MAP2: variants seen among roughly 807,000 people sequenced by gnomAD.
The protein encoded by MAP2 is microtubule associated protein 2.
In MAP2, 14 loss-of-function variants were observed where a neutral mutation model predicts 137.6. That is an observed-to-expected ratio of 0.10 (90% CI 0.07 to 0.16). The LOEUF (loss-of-function observed/expected upper bound fraction) is 0.16. Ranked by LOEUF, MAP2 falls within the 10% of genes least tolerant of loss-of-function variation. The probability of loss-of-function intolerance (pLI) is 1.00; values close to 1 mark genes in which losing one functional copy is unlikely to be tolerated. For synonymous variants in MAP2, 786 were observed against 782.3 expected (o/e 1.00, Z -0.08); for missense variants, 2,088 against 2,191.5 (o/e 0.95, Z 0.94).
chr2:209,607,965 T>G (rs2085378590), intron 3 of MAP2, among the ~76,000 whole-genome samples: 1 of 152,258 alleles, frequency 6.6e-6, no homozygotes, highest in South Asian at 2.1e-4. Context: ...TTTCTTAGCA[T>G]TTTGCTAGAT....
intron 1 of MAP2, among the ~76,000 whole-genome samples, chr2:209,437,850 C>G (rs1696724767): frequency 6.6e-6 from 1 of 151,448 alleles, no homozygotes; most frequent in Non-Finnish European, 1.5e-5. Flanking sequence ...CTTATCAGGA[C>G]TTGTATTTGA....
chr2:209,577,155 T>A (rs879666299), intron 2 of MAP2, among the ~76,000 whole-genome samples: 25 of 151,864 alleles, frequency 1.6e-4, no homozygotes, highest in Non-Finnish European at 2.8e-4. Flanking sequence ...CACCTCATTA[T>A]CCAAAATCAC....
chr2:209,727,753 C>T (rs754575499), intron 14 of MAP2, among the ~76,000 whole-genome samples: 2 of 152,156 alleles, frequency 1.3e-5, no homozygotes, highest in Non-Finnish European at 2.9e-5. Context: ...ACAATTACTG[C>T]TCCTGATGGG....
chr2:209,440,665 G>A (rs796194177), intron 1 of MAP2, among the ~76,000 whole-genome samples: 2 of 151,330 alleles, frequency 1.3e-5, no homozygotes, highest in African/African-American at 4.8e-5. Flanking sequence ...AGTTTTTTTT[G>A]TTTGTTTTAA....
rs566601875 is a variant in MAP2, at chr2:209,563,462, A to G, written c.-171-16574A>G. Among the ~76,000 whole-genome samples, 27 of 150,166 alleles carry G rather than the reference A, an allele frequency of 1.8e-4. No individual in the cohort carries two copies. In the South Asian group the frequency reaches 2.5e-3, roughly 14 times the overall value. On this transcript the variant is annotated intron_variant, in intron 2 of 15. Coordinates refer to ENST00000682079, the MANE Select transcript of MAP2 (RefSeq NM_001375505.1). ...TTATAAAAGATTTTCATTGTTATCTATAGAGATCCACGAGAACAACCCTCC... is the reference window on the plus strand; with the variant it reads ...TTATAAAAGATTTTCATTGTTATCTGTAGAGATCCACGAGAACAACCCTCC...
At chr2:209,548,457 G>A (rs908856991) in intron 2 of MAP2, among the ~76,000 whole-genome samples, 2 of 152,178 alleles carry the variant, frequency 1.3e-5, no homozygotes, top group Admixed American at 6.6e-5. Flanking sequence ...AAATAGCAGA[G>A]CTTATGCTCT....
chr2:209,603,954 G>GGA (rs2083805872), intron 3 of MAP2, among the ~76,000 whole-genome samples: 1 of 152,084 alleles, frequency 6.6e-6, no homozygotes, highest in Non-Finnish European at 1.5e-5. Flanking sequence ...GCAATTGTGT[G>GGA]GAGGGACATT....
At chr2:209,523,204 C>A (rs1454642205) in intron 2 of MAP2, among the ~76,000 whole-genome samples, 1 of 152,134 alleles carries the variant, frequency 6.6e-6, no homozygotes, top group Non-Finnish European at 1.5e-5. Flanking sequence ...ACTCCCATAA[C>A]ACCCCGAATG....
intron 4 of MAP2, among the ~76,000 whole-genome samples, chr2:209,645,155 C>A (rs1353360265): frequency 6.6e-6 from 1 of 152,160 alleles, no homozygotes; most frequent in South Asian, 2.1e-4. Flanking sequence ...AAACAAAATG[C>A]AGGAAACATC....
chr2:209,572,887 T>G (rs2074637276), intron 2 of MAP2, among the ~76,000 whole-genome samples: 1 of 152,244 alleles, frequency 6.6e-6, no homozygotes, highest in Non-Finnish European at 1.5e-5. Context: ...TTAGTGATTG[T>G]CTTTCAACTC....
Position 209,599,361 on chromosome 2 carries a change from T to A in MAP2, c.-107+19261T>A, listed in dbSNP as rs547032171. 7.4e-4 allele frequency among the ~76,000 whole-genome samples: 112 copies of A among 152,228 alleles called. 1 individual carries two copies. The South Asian group carries it at 0.023, about 32-fold the overall frequency. On this transcript the variant is annotated intron_variant, in intron 3 of 15. Transcript: ENST00000682079. The stretch of plus-strand genomic sequence containing the variant: ...TTCTGGATATTAGCCCTTTGTCAGA[T>A]TTATTCTCTTCTCTTCACCCAAAAA...
chr2:209,567,976 T>C (rs1011133547), intron 2 of MAP2, among the ~76,000 whole-genome samples: 3 of 152,084 alleles, frequency 2.0e-5, no homozygotes, highest in African/African-American at 7.2e-5. Context: ...TCATCATCTT[T>C]ATTCTTTGGT....
intron 10 of MAP2, among the ~76,000 whole-genome samples, chr2:209,697,976 G>A (rs184632629): frequency 1.1e-3 from 169 of 151,790 alleles, no homozygotes; most frequent in Non-Finnish European, 1.0e-3. Flanking sequence ...AGCCTCCGGA[G>A]TAGCTGGGAT....
intron 5 of MAP2, among the ~76,000 whole-genome samples, chr2:209,660,335 C>A (rs536984265): frequency 2.0e-5 from 3 of 151,738 alleles, no homozygotes; most frequent in African/African-American, 7.3e-5. Context: ...CCACATAACT[C>A]CAGCAGCCAA....
At chr2:209,711,900 G>A (rs2065624262) in intron 13 of MAP2, among the ~76,000 whole-genome samples, 1 of 151,844 alleles carries the variant, frequency 6.6e-6, no homozygotes, top group Non-Finnish European at 1.5e-5. Context: ...AACTAGATAT[G>A]GGGTTTACTT....
intron 3 of MAP2, among the ~76,000 whole-genome samples, chr2:209,616,777 T>C (rs2089564194): frequency 1.3e-5 from 2 of 152,182 alleles, no homozygotes; most frequent in Admixed American, 1.3e-4. Context: ...TTGTTAGTGA[T>C]AGTGTCTGAA....
chr2:209,469,489 T>G (rs1468522764), intron 1 of MAP2, among the ~76,000 whole-genome samples: 1 of 152,238 alleles, frequency 6.6e-6, no homozygotes, highest in Non-Finnish European at 1.5e-5. Context: ...CAAGTAAGTA[T>G]ATGCACAATA....
intron 13 of MAP2, among the ~76,000 whole-genome samples, chr2:209,718,793 A>G (rs978800213): frequency 6.6e-6 from 1 of 152,282 alleles, no homozygotes; most frequent in Non-Finnish European, 1.5e-5. Context: ...TTTTAAAGAA[A>G]CTATTGTTCA....
At chr2:209,589,516 A>C (rs1244392792) in intron 3 of MAP2, among the ~76,000 whole-genome samples, 1 of 152,188 alleles carries the variant, frequency 6.6e-6, no homozygotes, top group African/African-American at 2.4e-5. Flanking sequence ...GGCGACCTCT[A>C]CTAAGTGGAT....
Sources: allele counts gnomAD v4.1 joint callset (sites outside exome capture counted in the v4.1 genomes callset), GRCh38; gene constraint gnomAD v4.1.1; transcripts MANE v1.5; gene names NCBI Gene and HGNC (gene_info 2026-07-23, HGNC 2026-07-21).